The following TRPM7 variants were observed in gnomAD, a reference collection of about 807,000 sequenced individuals.
The protein encoded by TRPM7 is LTRPC ion channel family member 7.
A neutral mutation model predicts 229.7 loss-of-function variants in TRPM7; 134 were observed. That is an observed-to-expected ratio of 0.58 (90% CI 0.51 to 0.67). TRPM7 has a LOEUF of 0.67. Among genes scored for constraint, TRPM7 ranks in the 30% least tolerant of loss-of-function variants. TRPM7 has a pLI of 0.00. For missense variants in TRPM7, 1,901 were observed against 2,210.0 expected (o/e 0.86, Z 2.80); for synonymous variants, 699 against 715.2 (o/e 0.98, Z 0.36).
chr15:50,573,587 A>G (rs932343807), intron 36 of TRPM7, among the ~76,000 whole-genome samples: 1 of 152,204 alleles, frequency 6.6e-6, no homozygotes, highest in South Asian at 2.1e-4. Flanking sequence ...TAAATCCACT[A>G]AATTTTTAGG....
Position 50,572,175 on chromosome 15 carries a change from T to C in TRPM7, c.5309-2020A>G, listed in dbSNP as rs1336399511. Among the ~76,000 whole-genome samples, 2 of 152,186 alleles carry C rather than the reference T, an allele frequency of 1.3e-5. 1 individual carries two copies. Among genetic ancestry groups the C allele is most frequent in the Admixed American group, 1.3e-4 (2 of 15,276 alleles). ...TGACGTGAGCCTGTAGTCCCAGCTA[T>C]GCAGGAGGCTGAGGCAGGAGGATGG... On this transcript the variant is annotated intron_variant, in intron 36 of 38. Transcript: ENST00000646667.
chr15:50,583,760 G>T (rs2140315761), intron 28 of TRPM7, among the ~76,000 whole-genome samples: 1 of 152,054 alleles, frequency 6.6e-6, no homozygotes, highest in Non-Finnish European at 1.5e-5. Context: ...TTTCAGTAGA[G>T]ACTGGGTTTC....
At chr15:50,607,999 G>A (rs1388669752) in intron 19 of TRPM7, among the ~76,000 whole-genome samples, 12 of 144,160 alleles carry the variant, frequency 8.3e-5, no homozygotes, top group Non-Finnish European at 1.5e-5. Flanking sequence ...AGGTTGCAGT[G>A]AGCTGAGATC....
intron 20 of TRPM7, 29 bp from the exon 21 acceptor site, chr15:50,605,173 T>C (rs376931899): frequency 6.3e-5 from 96 of 1,535,384 alleles, no homozygotes; most frequent in Non-Finnish European, 7.3e-5. Flanking sequence ...CAAAAAAAAG[T>C]GTAATCAGTT....
intron 1 of TRPM7, among the ~76,000 whole-genome samples, chr15:50,671,934 TATACAA>T (rs1163005176): frequency 6.6e-6 from 1 of 152,202 alleles, no homozygotes; most frequent in Non-Finnish European, 1.5e-5. Context: ...AAGTATGGCA[TATACAA>T]CTATGTACAG....
At chr15:50,572,729 T>A (rs2053949413) in intron 36 of TRPM7, among the ~76,000 whole-genome samples, 1 of 152,246 alleles carries the variant, frequency 6.6e-6, no homozygotes, top group Non-Finnish European at 1.5e-5. Flanking sequence ...TTTATAAAGG[T>A]ATGAACTACT....
intron 38 of TRPM7, among the ~76,000 whole-genome samples, chr15:50,566,979 C>T (rs1245851564): frequency 2.0e-5 from 3 of 151,392 alleles, no homozygotes; most frequent in Admixed American, 1.3e-4. Flanking sequence ...ACAGACCTAA[C>T]GGATATTAAA....
chr15:50,590,440 C>T (rs1475353181), intron 26 of TRPM7, among the ~76,000 whole-genome samples: 1 of 152,122 alleles, frequency 6.6e-6, no homozygotes, highest in Non-Finnish European at 1.5e-5. Context: ...GTTCAGACAA[C>T]ATGTTAATAA....
chr15:50,649,913 G>A (rs901528152), intron 3 of TRPM7, among the ~76,000 whole-genome samples: 15 of 152,058 alleles, frequency 9.9e-5, no homozygotes, highest in African/African-American at 3.6e-4. Context: ...ATAACTACTT[G>A]GCCAGGTACA....
chr15:50,679,508 T>TA (rs2062183932), intron 1 of TRPM7, among the ~76,000 whole-genome samples: 8 of 53,596 alleles, frequency 1.5e-4, no homozygotes, highest in African/African-American at 4.8e-4. Context: ...TGTGTATATA[T>TA]ATAATATATA....
chr15:50,564,509 AAACT>A (rs2053499371), intron 38 of TRPM7, among the ~76,000 whole-genome samples: 3 of 151,856 alleles, frequency 2.0e-5, no homozygotes, highest in Admixed American at 2.0e-4. Flanking sequence ...TCAACATTAT[AAACT>A]AACCAAGTCA....
intron 20 of TRPM7, among the ~76,000 whole-genome samples, chr15:50,605,389 C>A (rs2059894045): frequency 6.6e-6 from 1 of 152,194 alleles, no homozygotes; most frequent in South Asian, 2.1e-4. Context: ...ATTCAGATTA[C>A]AACCCAGTTC....
At chr15:50,576,012 T>G in intron 31 of TRPM7, 93 bp from the exon 32 acceptor site, 1 of 1,318,776 alleles carries the variant, frequency 7.6e-7, no homozygotes, top group Non-Finnish European at 1.1e-6. Context: ...ATTTTGAATT[T>G]CCATAGTGTA....
In TRPM7 at chr15:50,631,492, A is replaced by G; in HGVS notation, c.1132-3T>C. 1.9e-6 allele frequency: 3 copies of G among 1,580,668 alleles called. No homozygotes were observed. The highest frequency in any genetic ancestry group is 2.6e-6 in the Non-Finnish European group (3 of 1,152,242). On this transcript the variant is annotated splice_polypyrimidine_tract_variant and splice_region_variant and intron_variant, in intron 9 of 38. Transcript: ENST00000646667. ...GACCCAATATGGAAAACAGTGATCT[A>G]TTTAAAGATAAATTTATAACATTAT...
chr15:50,571,764 T>C (rs928640423), intron 36 of TRPM7, among the ~76,000 whole-genome samples: 12 of 152,202 alleles, frequency 7.9e-5, no homozygotes, highest in African/African-American at 2.6e-4. Context: ...TCTAAGATAT[T>C]CCTATGTAAA....
intron 29 of TRPM7, chr15:50,582,506 G>GT (rs1184763618): frequency 6.6e-6 from 1 of 152,128 alleles, no homozygotes; most frequent in Admixed American, 6.6e-5. Context: ...GCTTTAATTT[G>GT]TTGCAAAGTT....
At chr15:50,685,979 T>G (rs1182702307) in intron 1 of TRPM7, among the ~76,000 whole-genome samples, 2 of 152,188 alleles carry the variant, frequency 1.3e-5, no homozygotes, top group African/African-American at 4.8e-5. Flanking sequence ...CCCTCCCTTT[T>G]GGTTCCAAAA....
chr15:50,601,806 T>C (rs975115364), intron 21 of TRPM7, among the ~76,000 whole-genome samples: 1 of 152,004 alleles, frequency 6.6e-6, no homozygotes, highest in African/African-American at 2.4e-5. Flanking sequence ...GCAATTACTT[T>C]TAATGGCAAA....
At chr15:50,580,843 G>A (rs760298230) in intron 30 of TRPM7, 31 bp downstream of exon 30, 24 of 1,571,088 alleles carry the variant, frequency 1.5e-5, no homozygotes, top group African/African-American at 6.9e-5. Flanking sequence ...ATGATACTTC[G>A]CAAGCTAATG....
Sources: allele counts gnomAD v4.1 joint callset (sites outside exome capture counted in the v4.1 genomes callset), GRCh38; gene constraint gnomAD v4.1.1; transcripts MANE v1.5; gene names NCBI Gene and HGNC (gene_info 2026-07-23, HGNC 2026-07-21).